CPEB2: variants seen among roughly 807,000 people sequenced by gnomAD.
CPEB2 encodes cytoplasmic polyadenylation element binding protein 2.
A neutral mutation model predicts 93.6 loss-of-function variants in CPEB2; 56 were observed. The ratio of observed to expected loss-of-function variants is 0.60; its 90% CI spans 0.48 to 0.75. The LOEUF is 0.75. Ranked by LOEUF, CPEB2 falls within the 30% of genes least tolerant of loss-of-function variation. CPEB2 has a pLI of 0.00. For missense variants in CPEB2, 1,579 were observed against 1,395.1 expected, an observed-to-expected ratio of 1.13 and a Z score of -2.10; for synonymous variants, 764 against 586.3, an observed-to-expected ratio of 1.30 and a Z score of -4.38.
intron 6 of CPEB2, among the ~76,000 whole-genome samples, chr4:15,040,993 T>C (rs1727123757): frequency 6.6e-6 from 1 of 152,134 alleles, no homozygotes; most frequent in South Asian, 2.1e-4. Flanking sequence ...TCTAAGAATA[T>C]AACCCCTTCT....
chr4:15,008,909 T>C (rs1336191920), intron 3 of CPEB2, among the ~76,000 whole-genome samples: 2 of 152,230 alleles, frequency 1.3e-5, no homozygotes, highest in Admixed American at 6.5e-5. Flanking sequence ...TTAAAAAATA[T>C]ATAGCCTAGT....
Position 15,062,174 on chromosome 4 carries a change from C to T in CPEB2, c.2791C>T (p.Arg931Ter). 1 of 1,612,760 alleles carries T rather than the reference C, an allele frequency of 6.2e-7. No homozygotes were observed. Among genetic ancestry groups the T allele is most frequent in the South Asian group, 1.1e-5 (1 of 91,006 alleles). The change falls in exon 11 of 12, where the codon CGA becomes TGA. Residue 931 changes from arginine to a stop codon, truncating the protein, a stop_gained. Coordinates refer to ENST00000538197, the MANE Select transcript of CPEB2 (RefSeq NM_001177382.2). LOFTEE classifies it high-confidence loss of function. ...GCTAAAATACCCAAAAGGTGCTGGG[C>T]GAGTTGCTTTCTCCAATCAGCAGAG... ...PELKYPKGAG[R>*]VAFSNQQSYI...
At chr4:15,025,445 AC>A (rs1725342971) in intron 4 of CPEB2, among the ~76,000 whole-genome samples, 1 of 152,218 alleles carries the variant, frequency 6.6e-6, no homozygotes, top group South Asian at 2.1e-4. Flanking sequence ...AAAGTAAGAC[AC>A]AAAAAATGGG....
chr4:15,004,473 T>C, intron 1 of CPEB2, 138 bp downstream of exon 1: 1 of 597,190 alleles, frequency 1.7e-6, no homozygotes, highest in Non-Finnish European at 2.6e-6. Context: ...CAAGTGAGAG[T>C]GGAACTGAGG....
At chr4:15,062,741 T>C (rs1372531734) in intron 11 of CPEB2, among the ~76,000 whole-genome samples, 3 of 152,144 alleles carry the variant, frequency 2.0e-5, no homozygotes, top group African/African-American at 4.8e-5. Flanking sequence ...TATTTAAATG[T>C]TTGTTTTCAT....
chr4:15,064,031 T>A (rs530403590), intron 11 of CPEB2, among the ~76,000 whole-genome samples: 2 of 152,250 alleles, frequency 1.3e-5, no homozygotes, highest in East Asian at 3.9e-4. Flanking sequence ...AAAAATTGAA[T>A]AAATATACGT....
chr4:15,019,099 G>A lies in CPEB2; in HGVS notation c.2125+1821G>A, dbSNP rs1031817323. Among the ~76,000 whole-genome samples the A allele has an allele frequency of 5.3e-5, 8 of 150,754 alleles. 1 individual carries two copies. The highest frequency in any genetic ancestry group is 5.3e-4 in the Admixed American group (8 of 15,100). ...AAAACATGCTCACTAACCACCTTTA[G>A]GAATCATTATGGTGACAAGTCTTCA... On this transcript the variant is annotated intron_variant, in intron 4 of 11. Transcript: ENST00000538197.
intron 4 of CPEB2, among the ~76,000 whole-genome samples, chr4:15,027,974 G>A (rs967977749): frequency 4.6e-5 from 7 of 152,084 alleles, no homozygotes; most frequent in Admixed American, 4.6e-4. Context: ...GAGTTTGTGC[G>A]TTTAACCACT....
intron 6 of CPEB2, among the ~76,000 whole-genome samples, chr4:15,049,977 A>G (rs867687533): frequency 1.3e-5 from 2 of 152,106 alleles, no homozygotes; most frequent in Admixed American, 1.3e-4. Context: ...CACTTGCATC[A>G]TGTGTCATAT....
chr4:15,024,170 G>A (rs1469947122), intron 4 of CPEB2, among the ~76,000 whole-genome samples: 1 of 150,854 alleles, frequency 6.6e-6, no homozygotes, highest in East Asian at 1.9e-4. Flanking sequence ...TTTCATTATT[G>A]CAGTCCTATA....
chr4:15,026,970 G>T (rs1257564799), intron 4 of CPEB2, among the ~76,000 whole-genome samples: 1 of 151,966 alleles, frequency 6.6e-6, no homozygotes, highest in South Asian at 2.1e-4. Flanking sequence ...ATTCCTACTG[G>T]TTATCAGCAT....
At chr4:15,039,391 A>T (rs1018015832) in intron 5 of CPEB2, among the ~76,000 whole-genome samples, 9 of 152,156 alleles carry the variant, frequency 5.9e-5, no homozygotes, top group African/African-American at 2.2e-4. Context: ...TTTAAGTTTT[A>T]TATTTTTAGG....
At position 15,017,189 on chromosome 4, in the gene CPEB2, A is replaced by T. The variant is rs1300210093; in HGVS notation, c.2036A>T (p.Asp679Val). 1 of 1,560,746 alleles carries T rather than the reference A, an allele frequency of 6.4e-7. No individual in the cohort carries two copies. The highest frequency in any genetic ancestry group is 1.1e-5 in the South Asian group (1 of 89,314). The change falls in exon 4 of 12, where the codon GAT becomes GTT. Residue 679 changes from aspartate (D) to valine (V), a missense_variant and splice_region_variant. Physicochemically the swap from Asp to Val is radical, Grantham distance 152. Around this residue, in one of 2 missense-constraint regions of CPEB2, gnomAD observed 1,411 missense variants for 1,056.0 expected, o/e 1.34. Coordinates refer to ENST00000538197, the MANE Select transcript of CPEB2 (RefSeq NM_001177382.2). ...TAAGTSRIDQ[D>V]RSRMYDSLNM... ...GTCTTTTTTCCTCTTCTCTTCCAGG[A>T]TCGAAGTAGAATGTATGACAGTTTG...
At chr4:15,025,810 G>T (rs958043677) in intron 4 of CPEB2, among the ~76,000 whole-genome samples, 39 of 124,790 alleles carry the variant, frequency 3.1e-4, no homozygotes, top group African/African-American at 1.0e-3. Context: ...ATGTATACAC[G>T]GCTTAGGTTT....
At chr4:15,032,636 T>C (rs1392339520) in intron 4 of CPEB2, among the ~76,000 whole-genome samples, 1 of 152,152 alleles carries the variant, frequency 6.6e-6, no homozygotes, top group East Asian at 1.9e-4. Flanking sequence ...TAAGATGTTT[T>C]CATTAAACTA....
At chr4:15,041,856 C>G (rs1372385294) in intron 6 of CPEB2, among the ~76,000 whole-genome samples, 1 of 152,138 alleles carries the variant, frequency 6.6e-6, no homozygotes, top group Non-Finnish European at 1.5e-5. Flanking sequence ...CTGAATTTAA[C>G]TTAATTTTTT....
chr4:15,058,341 T>G, intron 8 of CPEB2, 80 bp from the exon 9 acceptor site: 2 of 742,700 alleles, frequency 2.7e-6, no homozygotes, highest in Admixed American at 2.3e-5. Flanking sequence ...TTCAAAAGCA[T>G]GTATTTTCTA....
intron 2 of CPEB2, 37 bp from the exon 3 acceptor site, chr4:15,008,301 C>A: frequency 6.8e-7 from 1 of 1,470,384 alleles, no homozygotes. Context: ...GGGAAGACAA[C>A]TGCTCATTTC....
chr4:15,041,250 G>A (rs1287418706), intron 6 of CPEB2, among the ~76,000 whole-genome samples: 1 of 152,192 alleles, frequency 6.6e-6, no homozygotes, highest in South Asian at 2.1e-4. Flanking sequence ...GCAAAAGTAT[G>A]CTACTAGATT....
Sources: allele counts gnomAD v4.1 joint callset (sites outside exome capture counted in the v4.1 genomes callset), GRCh38; gene constraint gnomAD v4.1.1; regional missense constraint gnomAD v4.1.1; transcripts MANE v1.5; gene names NCBI Gene and HGNC (gene_info 2026-07-23, HGNC 2026-07-21).